MBP: variants seen among roughly 807,000 people sequenced by gnomAD.
MBP encodes the protein Golli-MBP.
A neutral mutation model predicts 35.8 loss-of-function variants in MBP; 16 were observed. The ratio of observed to expected loss-of-function variants is 0.45; its 90% CI spans 0.30 to 0.68. The LOEUF (loss-of-function observed/expected upper bound fraction) is 0.68. MBP is among the 30% of genes least tolerant of loss of function. The probability of loss-of-function intolerance (pLI) is 0.08; values close to 1 mark genes in which losing one functional copy is unlikely to be tolerated. For synonymous variants in MBP, 143 were observed against 159.6 expected (o/e 0.90, Z 0.78); for missense variants, 380 against 404.7 (o/e 0.94, Z 0.52).
chr18:77,095,725 G>A (rs1020522456), intron 2 of MBP, among the ~76,000 whole-genome samples: 1 of 152,234 alleles, frequency 6.6e-6, no homozygotes, highest in African/African-American at 2.4e-5. Flanking sequence ...TCACATTTAT[G>A]TGCTCAGATG....
At chr18:77,130,649 C>T (rs1219199196) in intron 1 of MBP, among the ~76,000 whole-genome samples, 1 of 151,086 alleles carries the variant, frequency 6.6e-6, no homozygotes, top group African/African-American at 2.4e-5. Flanking sequence ...CAAATTCAGG[C>T]AGAAATAGAA....
chr18:77,021,883 C>T (rs553297300), intron 3 of MBP, among the ~76,000 whole-genome samples: 1 of 152,162 alleles, frequency 6.6e-6, no homozygotes, highest in Admixed American at 6.5e-5. Flanking sequence ...AGCGGGTGGC[C>T]TTTTTTGAAT....
At chr18:77,079,618 A>G (rs911636920) in intron 2 of MBP, among the ~76,000 whole-genome samples, 7 of 152,202 alleles carry the variant, frequency 4.6e-5, no homozygotes, top group African/African-American at 1.7e-4. Flanking sequence ...TTGCTTGCTG[A>G]TATTTCAGTT....
rs1568291717 is a variant in MBP, at chr18:77,016,281, T to G, written c.576+551A>C. ...TGATTCATAGACACTCATTTATCCC[T>G]CCCCCCTTCCACTTCTCAGACCACA... On this transcript the variant is annotated intron_variant, in intron 4 of 8. Coordinates refer to ENST00000355994, the MANE Select transcript of MBP (RefSeq NM_001025101.2). 6 of 985,744 alleles carry G rather than the reference T, an allele frequency of 6.1e-6. No homozygotes were observed. The African/African-American group carries it at 8.7e-5, about 14-fold the overall frequency. The allele number at this position is 985,744 out of a possible 1,614,324, so 61.1% of individuals were successfully genotyped here. A position where few individuals can be genotyped will look rare whatever the true frequency, so the allele number is the denominator to read the frequency against.
Position 77,017,178 on chromosome 18 carries a change from C to T in MBP, c.230G>A (p.Trp77Ter). 1 of 1,543,658 alleles carries T rather than the reference C, an allele frequency of 6.5e-7. No homozygotes were observed. Among genetic ancestry groups the T allele is most frequent in the Non-Finnish European group, 8.7e-7 (1 of 1,144,346 alleles). Residue 77 changes from tryptophan to a stop codon, truncating the protein, a stop_gained, in exon 4 of 9, where the codon TGG becomes TAG. Coordinates refer to ENST00000355994, the MANE Select transcript of MBP (RefSeq NM_001025101.2). LOFTEE classifies it high-confidence loss of function. ...SKRTADPKNA[W>*]QDAHPADPGS... is the part of the protein sequence containing the mutation. The stretch of plus-strand genomic sequence containing the variant: ...TGGGTCAGCTGGGTGGGCATCCTGC[C>T]AGGCATTCTTCGGGTCCGCTGTGCG...
At chr18:76,980,525 C>G in intron 8 of MBP, 54 bp from the exon 9 acceptor site, 2 of 1,372,334 alleles carry the variant, frequency 1.5e-6, no homozygotes, top group Non-Finnish European at 2.1e-6. Context: ...TCCTCCCACA[C>G]CAGCATCCCC....
chr18:77,016,623 A>G, intron 4 of MBP: 4 of 1,412,790 alleles, frequency 2.8e-6, no homozygotes, highest in Non-Finnish European at 3.7e-6. Context: ...ATCCCTTGTG[A>G]GGAAAAGAGG....
At chr18:77,023,110 C>A (rs903967694) in intron 3 of MBP, among the ~76,000 whole-genome samples, 2 of 152,302 alleles carry the variant, frequency 1.3e-5, no homozygotes, top group Admixed American at 6.5e-5. Flanking sequence ...ACAATGCTGG[C>A]CTTTAGAAGG....
At chr18:77,067,789 C>T (rs1344191770) in intron 2 of MBP, 3 of 505,080 alleles carry the variant, frequency 5.9e-6, no homozygotes, top group South Asian at 1.4e-5. Flanking sequence ...TAACCCAGGA[C>T]CATAATATGT....
intron 4 of MBP, among the ~76,000 whole-genome samples, chr18:77,010,738 T>C (rs1049562841): frequency 2.4e-4 from 36 of 152,246 alleles, no homozygotes; most frequent in Admixed American, 2.3e-3. Flanking sequence ...CATTAGCTCC[T>C]AACTTAATGT....
At chr18:77,110,431 T>G in intron 1 of MBP, 1 of 151,652 alleles carries the variant, frequency 6.6e-6, no homozygotes, top group African/African-American at 2.4e-5. Flanking sequence ...TTCTTATAGA[T>G]CAGGGGGCAA....
chr18:77,014,788 A>G (rs1328455163), intron 4 of MBP: 2 of 985,230 alleles, frequency 2.0e-6, no homozygotes, highest in African/African-American at 3.5e-5. Flanking sequence ...CTGTGATCAC[A>G]CGTGCAAATG....
intron 3 of MBP, among the ~76,000 whole-genome samples, chr18:77,059,450 ATAATT>A (rs1391678088): frequency 6.7e-6 from 1 of 149,824 alleles, no homozygotes. Context: ...TTAAATTATA[ATAATT>A]TAATTTTATA....
At chr18:77,082,270 A>T (rs999360068) in intron 2 of MBP, among the ~76,000 whole-genome samples, 1 of 152,222 alleles carries the variant, frequency 6.6e-6, no homozygotes. Flanking sequence ...AGCAATAAAA[A>T]GGAATGAAGG....
At chr18:77,070,736 T>TC (rs1215903460) in intron 2 of MBP, among the ~76,000 whole-genome samples, 7 of 152,266 alleles carry the variant, frequency 4.6e-5, no homozygotes, top group African/African-American at 1.7e-4. Flanking sequence ...CCCTGGGAAC[T>TC]CGAGAGGTCC....
Position 77,016,908 on chromosome 18 carries a change from C to T in MBP, c.500G>A (p.Arg167Lys). 6.2e-7 allele frequency: 1 copy of T among 1,614,258 alleles called. No individual in the cohort carries two copies. Among genetic ancestry groups the T allele is most frequent in the Non-Finnish European group, 8.5e-7 (1 of 1,180,052 alleles). ...HARHGFLPRH[R>K]DTGILDSIGR... The stretch of plus-strand genomic sequence containing the variant: ...GATGGAGTCAAGGATGCCCGTGTCT[C>T]TGTGCCTTGGGAGGAAGCCATGCCT... Residue 167 changes from arginine to lysine, a missense_variant, in exon 4 of 9, where the codon AGA becomes AAA. Arg to Lys is a conservative substitution (Grantham distance 26, BLOSUM62 2). Transcript: ENST00000355994.
chr18:77,053,407 C>T (rs372735531), intron 3 of MBP, among the ~76,000 whole-genome samples: 204 of 152,380 alleles, frequency 1.3e-3, no homozygotes, highest in African/African-American at 4.6e-3. Context: ...TGCTCCGCTA[C>T]GGGGGCTGGC....
chr18:77,035,734 T>C (rs1291270483), intron 3 of MBP, among the ~76,000 whole-genome samples: 1 of 152,224 alleles, frequency 6.6e-6, no homozygotes, highest in African/African-American at 2.4e-5. Flanking sequence ...TATAATCCTA[T>C]GTTTCTGAGA....
At chr18:77,060,030 G>A (rs985520169) in intron 3 of MBP, among the ~76,000 whole-genome samples, 2 of 152,188 alleles carry the variant, frequency 1.3e-5, no homozygotes, top group Non-Finnish European at 2.9e-5. Context: ...ATTATGGGCT[G>A]GGCGTGGTGG....
Sources: gnomAD v4.1 joint callset for allele counts (sites outside exome capture counted in the v4.1 genomes callset) on GRCh38, gnomAD v4.1.1 for gene constraint, MANE v1.5 for transcripts, NCBI Gene and HGNC (gene_info 2026-07-23, HGNC 2026-07-21) for gene names.